The following OTOGL variants were observed in gnomAD, a reference collection of about 807,000 sequenced individuals.
The protein encoded by OTOGL is otogelin like, also known as otogelin-like protein.
A neutral mutation model predicts 318.5 loss-of-function variants in OTOGL; 285 were observed. The ratio of observed to expected loss-of-function variants is 0.89; its 90% confidence interval spans 0.81 to 0.99. The LOEUF (loss-of-function observed/expected upper bound fraction) is 0.99, where lower values mean the gene tolerates loss of function less well. Ranked by LOEUF, OTOGL falls within the 50% of genes least tolerant of loss-of-function variation. The probability of loss-of-function intolerance (pLI) is 0.00; values close to 1 mark genes in which losing one functional copy is unlikely to be tolerated. For synonymous variants in OTOGL, 987 were observed against 936.5 expected, an observed-to-expected ratio of 1.05 and a Z score of -0.99; for missense variants, 2,899 against 2,845.6, an observed-to-expected ratio of 1.02 and a Z score of -0.43.
At chr12:80,292,364 T>A (rs911072415) in intron 26 of OTOGL, among the ~76,000 whole-genome samples, 1 of 152,224 alleles carries the variant, frequency 6.6e-6, no homozygotes, top group Non-Finnish European at 1.5e-5. Context: ...AAGAAAACAT[T>A]TCAGCCTTCT....
intron 26 of OTOGL, among the ~76,000 whole-genome samples, chr12:80,295,737 C>G (rs186490646): frequency 6.6e-6 from 1 of 152,290 alleles, no homozygotes; most frequent in African/African-American, 2.4e-5. Flanking sequence ...AAGCCATGTA[C>G]TTTCTTCCTA....
At chr12:80,173,912 G>A (rs1466754708) in intron 1 of OTOGL, among the ~76,000 whole-genome samples, 1 of 152,152 alleles carries the variant, frequency 6.6e-6, no homozygotes, top group African/African-American at 2.4e-5. Context: ...TATGCTGAGG[G>A]CCATTTATAA....
chr12:80,298,218 A>G (rs935614708), intron 27 of OTOGL, among the ~76,000 whole-genome samples: 6 of 152,210 alleles, frequency 3.9e-5, no homozygotes, highest in African/African-American at 1.4e-4. Flanking sequence ...ATAAGGAAGC[A>G]TGGTGTCCTA....
At chr12:80,340,336 T>C (rs181707832) in intron 43 of OTOGL, among the ~76,000 whole-genome samples, 40 of 152,276 alleles carry the variant, frequency 2.6e-4, no homozygotes, top group African/African-American at 8.9e-4. Context: ...GTTTAGAGTA[T>C]GCTAAACATA....
intron 30 of OTOGL, among the ~76,000 whole-genome samples, chr12:80,313,097 A>G (rs1310052962): frequency 6.6e-6 from 1 of 152,238 alleles, no homozygotes; most frequent in Non-Finnish European, 1.5e-5. Flanking sequence ...AGGGGCAAAA[A>G]AGAAAGGAAA....
At chr12:80,179,295 A>G (rs1874754548) in intron 1 of OTOGL, among the ~76,000 whole-genome samples, 1 of 152,228 alleles carries the variant, frequency 6.6e-6, no homozygotes, top group African/African-American at 2.4e-5. Context: ...GCTCTTAATT[A>G]TAACTCACTC....
intron 1 of OTOGL, among the ~76,000 whole-genome samples, chr12:80,108,806 T>C: frequency 7.0e-6 from 1 of 142,206 alleles, no homozygotes; most frequent in Non-Finnish European, 1.5e-5. Flanking sequence ...TATATGTATA[T>C]ATATATGTGT....
rs200050988 is a variant in OTOGL, at chr12:80,238,950, C to T, written c.917C>T (p.Pro306Leu). 1.4e-3 allele frequency: 2,217 copies of T among 1,597,446 alleles called. 5 individuals are homozygous for T. The highest frequency in any genetic ancestry group is 1.5e-3 in the Non-Finnish European group (1,762 of 1,178,972). The change falls in exon 10 of 59, where the codon CCG becomes CTG. Residue 306 changes from proline (P) to leucine (L), a missense_variant. By Grantham distance (98) the Pro-to-Leu change is moderately conservative. Coordinates refer to ENST00000547103, the MANE Select transcript of OTOGL (RefSeq NM_001378609.3). Reference sequence around the variant, plus strand: ...CTCACACCCTCAGATTTTCCAAATCCGTGCTCCAGTGGAATGCCAGCATTT... The same window carrying T: ...CTCACACCCTCAGATTTTCCAAATCTGTGCTCCAGTGGAATGCCAGCATTT... ...CVLTPSDFPN[P>L]CSSGMPAFEA...
chr12:80,340,710 A>G (rs1888710810), intron 43 of OTOGL, among the ~76,000 whole-genome samples: 1 of 152,274 alleles, frequency 6.6e-6, no homozygotes, highest in East Asian at 1.9e-4. Flanking sequence ...CAGGATCACT[A>G]GACTAGGTGC....
rs770917728 is a variant in OTOGL at position 80,279,091 on chromosome 12, C to G, written c.2853C>G (p.Tyr951Ter). ...CATGCCCAGCAGTGTGCACAATATA[C>G]GGGGACCGACATTATTATTCTTTTG... ...YYPCPAVCTIYGDRHYYSFDG... is the reference protein window; with the variant it reads ...YYPCPAVCTI Residue 951 changes from tyrosine (Y) to a stop codon, truncating the protein, a stop_gained, in exon 26 of 59, where the codon TAC becomes TAG. Transcript: ENST00000547103. LOFTEE classifies it high-confidence loss of function. The G allele has an allele frequency of 1.3e-6, 2 of 1,528,410 alleles. No homozygotes were observed. Among genetic ancestry groups the G allele is most frequent in the Admixed American group, 1.7e-5 (1 of 57,378 alleles). 94.7% of individuals were successfully genotyped at this position (1,528,410 alleles called of 1,614,324 possible).
At chr12:80,251,904 T>A in intron 12 of OTOGL, 105 bp downstream of exon 12, 1 of 1,210,250 alleles carries the variant, frequency 8.3e-7, no homozygotes, top group Non-Finnish European at 1.1e-6. Context: ...TTGCAAGGAT[T>A]TGTTATTGAG....
chr12:80,239,191 AAAAATGTTAGTT>A, intron 10 of OTOGL, 130 bp from the exon 11 acceptor site: 2 of 925,328 alleles, frequency 2.2e-6, no homozygotes, highest in East Asian at 5.6e-5. Flanking sequence ...ATGTAGTCAG[AAAAATGTTAGTT>A]AAAATGTATA....
intron 29 of OTOGL, among the ~76,000 whole-genome samples, chr12:80,308,288 G>C (rs1886363801): frequency 6.6e-6 from 1 of 151,318 alleles, no homozygotes; most frequent in Non-Finnish European, 1.5e-5. Context: ...TCACTTCTCA[G>C]ACCGGGCGGT....
intron 1 of OTOGL, among the ~76,000 whole-genome samples, chr12:80,195,261 C>A (rs1875977152): frequency 6.6e-6 from 1 of 152,198 alleles, no homozygotes; most frequent in Non-Finnish European, 1.5e-5. Context: ...CAGTTTGGCT[C>A]AGCTTAGCAA....
At chr12:80,343,029 C>A (rs766793067) in intron 44 of OTOGL, among the ~76,000 whole-genome samples, 4 of 151,974 alleles carry the variant, frequency 2.6e-5, no homozygotes, top group African/African-American at 9.7e-5. Flanking sequence ...CTGCAGGTGC[C>A]GGCGACCACG....
At chr12:80,343,228 G>A (rs538023142) in intron 44 of OTOGL, among the ~76,000 whole-genome samples, 1 of 152,164 alleles carries the variant, frequency 6.6e-6, no homozygotes, top group African/African-American at 2.4e-5. Flanking sequence ...GAGAGAAGAG[G>A]GAGGGATGGA....
intron 1 of OTOGL, among the ~76,000 whole-genome samples, chr12:80,108,604 G>A (rs1869596965): frequency 6.6e-6 from 1 of 151,076 alleles, no homozygotes; most frequent in Admixed American, 6.6e-5. Flanking sequence ...TTCACCCAAT[G>A]CTTTTAGCAT....
chr12:80,342,508 A>AT (rs1431962988), intron 44 of OTOGL, among the ~76,000 whole-genome samples: 1 of 152,190 alleles, frequency 6.6e-6, no homozygotes, highest in East Asian at 1.9e-4. Context: ...ATTCCTTATG[A>AT]TCCTGGCTTC....
At chr12:80,237,484 T>C (rs1879970172) in intron 9 of OTOGL, among the ~76,000 whole-genome samples, 1 of 151,886 alleles carries the variant, frequency 6.6e-6, no homozygotes, top group Non-Finnish European at 1.5e-5. Context: ...GAGGCAACAG[T>C]GAGAAGATTT....
Sources: gnomAD v4.1 joint callset for allele counts (sites outside exome capture counted in the v4.1 genomes callset) on GRCh38, gnomAD v4.1.1 for gene constraint, MANE v1.5 for transcripts, NCBI Gene and HGNC (gene_info 2026-07-23, HGNC 2026-07-21) for gene names.